The following HIVEP1 variants were observed in gnomAD, a reference collection of about 807,000 sequenced individuals.
HIVEP1 encodes the protein HIVEP zinc finger 1.
In HIVEP1, 36 loss-of-function variants were observed where a neutral mutation model predicts 180.0. That is an observed-to-expected ratio of 0.20 (90% confidence interval 0.15 to 0.26). The LOEUF is 0.26. HIVEP1 is among the 10% of genes least tolerant of loss of function. HIVEP1 has a pLI of 1.00. For synonymous variants in HIVEP1, 1,239 were observed against 1,239.0 expected (o/e 1.00, Z 0.00); for missense variants, 3,143 against 3,268.7 (o/e 0.96, Z 0.94).
At position 12,020,790 on chromosome 6, in the gene HIVEP1, C is replaced by T. The variant is rs577001468; in HGVS notation, c.40+5122C>T. Among the ~76,000 whole-genome samples the T allele has an allele frequency of 7.0e-4, 107 of 151,980 alleles. 1 individual carries two copies. In the South Asian group the frequency reaches 0.021, roughly 30 times the overall value. ...AACATGTTTTGAAAATTTGGTGTAG[C>T]TGTTTTTCATTTTTATTGGTTGAGT... On this transcript the variant is annotated intron_variant, in intron 2 of 8. Transcript: ENST00000379388.
intron 2 of HIVEP1, among the ~76,000 whole-genome samples, chr6:12,065,244 C>T (rs964882017): frequency 3.9e-5 from 6 of 152,060 alleles, no homozygotes; most frequent in Non-Finnish European, 5.9e-5. Context: ...AATGTTGGGA[C>T]CTGGGATAGG....
intron 2 of HIVEP1, among the ~76,000 whole-genome samples, chr6:12,044,612 C>T (rs997873673): frequency 4.0e-5 from 6 of 150,044 alleles, no homozygotes; most frequent in Non-Finnish European, 7.4e-5. Context: ...GCTCACTGTG[C>T]CCCCCTCAAA....
At position 12,124,844 on chromosome 6, in the gene HIVEP1, A is replaced by G. The variant is rs746537330; in HGVS notation, c.5049A>G (p.Gln1683=). The change falls in exon 4 of 9, where the codon CAA becomes CAG. Residue 1683 remains glutamine, a synonymous_variant. Coordinates refer to ENST00000379388, the MANE Select transcript of HIVEP1 (RefSeq NM_002114.4). ...GTGTAGTGCCAATCAGTGAAGAACA[A>G]AATTCTGTGCCAACATTACAAAAAG... ...NHSVVPISEE[Q]NSVPTLQKGH... is the part of the protein sequence containing the mutation. The G allele has an allele frequency of 6.8e-6, 11 of 1,614,224 alleles. No individual in the cohort carries two copies. The highest frequency in any genetic ancestry group is 9.3e-6 in the Non-Finnish European group (11 of 1,180,034).
the HIVEP1 span, among the ~76,000 whole-genome samples, chr6:12,199,264 A>C: frequency 2.0e-5 from 3 of 152,162 alleles, no homozygotes; most frequent in Non-Finnish European, 4.4e-5. Flanking sequence ...CAGTCACTAC[A>C]CAGGACTGAT....
chr6:12,211,189 G>T, the HIVEP1 span, among the ~76,000 whole-genome samples: 1 of 139,568 alleles, frequency 7.2e-6, no homozygotes, highest in African/African-American at 2.8e-5. Flanking sequence ...CACGAGGTCA[G>T]GAGATTGAGA....
intron 2 of HIVEP1, among the ~76,000 whole-genome samples, chr6:12,085,210 G>C (rs1268586966): frequency 2.6e-5 from 4 of 152,120 alleles, no homozygotes; most frequent in Non-Finnish European, 5.9e-5. Flanking sequence ...ACGTTTACTG[G>C]TGGTACAGAG....
the HIVEP1 span, among the ~76,000 whole-genome samples, chr6:12,208,937 A>G: frequency 1.3e-5 from 2 of 152,200 alleles, no homozygotes; most frequent in African/African-American, 4.8e-5. Flanking sequence ...TCCTTCATAG[A>G]ATGCAGAGGG....
At position 12,120,928 on chromosome 6, in the gene HIVEP1, A is replaced by C. The variant is rs185829506; in HGVS notation, c.1133A>C (p.His378Pro). The change falls in exon 4 of 9, where the codon CAT becomes CCT. Residue 378 changes from histidine (H) to proline (P), a missense_variant. Physicochemically the swap from His to Pro is moderately conservative, Grantham distance 77 (BLOSUM62 -2). Transcript: ENST00000379388. ...SPPMPIYNST[H>P]VASVVNQSVE... Reference sequence around the variant, plus strand: ...CCCATGCCAATCTATAATTCAACTCATGTTGCCTCTGTTGTTAATCAAAGC... The same window carrying C: ...CCCATGCCAATCTATAATTCAACTCCTGTTGCCTCTGTTGTTAATCAAAGC... 6 of 1,614,024 alleles carry C rather than the reference A, an allele frequency of 3.7e-6. No homozygotes were observed. The highest frequency in any genetic ancestry group is 1.7e-5 in the Admixed American group (1 of 59,998).
the HIVEP1 span, among the ~76,000 whole-genome samples, chr6:12,191,600 T>A: frequency 2.0e-5 from 3 of 151,566 alleles, no homozygotes; most frequent in South Asian, 2.1e-4. Flanking sequence ...CTAAAAAAAA[T>A]AAAAATAAAA....
intron 2 of HIVEP1, among the ~76,000 whole-genome samples, chr6:12,029,570 T>C (rs1468000304): frequency 6.6e-6 from 1 of 152,186 alleles, no homozygotes; most frequent in Non-Finnish European, 1.5e-5. Context: ...CTCTTTCTTT[T>C]TTGTTTTTAC....
At chr6:12,119,425 A>C (rs1775424740) in intron 3 of HIVEP1, among the ~76,000 whole-genome samples, 2 of 152,234 alleles carry the variant, frequency 1.3e-5, no homozygotes, top group Admixed American at 1.3e-4. Flanking sequence ...CAGCCATACC[A>C]GTTCCAACCA....
At chr6:12,204,506 GA>G in the HIVEP1 span, among the ~76,000 whole-genome samples, 28 of 151,672 alleles carry the variant, frequency 1.8e-4, 1 homozygote, top group East Asian at 4.1e-3. Context: ...TAAATATTAA[GA>G]AAAAAAATCC....
intron 6 of HIVEP1, among the ~76,000 whole-genome samples, chr6:12,134,999 G>GA (rs1014857161): frequency 6.6e-5 from 10 of 152,102 alleles, no homozygotes; most frequent in African/African-American, 9.7e-5. Context: ...CAAGGTACCA[G>GA]AAAAAAGAAG....
chr6:12,173,967 G>A, the HIVEP1 span, among the ~76,000 whole-genome samples: 1 of 152,162 alleles, frequency 6.6e-6, no homozygotes, highest in Non-Finnish European at 1.5e-5. Flanking sequence ...CAAATGTTAA[G>A]AACAGTTTTG....
chr6:12,108,889 C>T (rs1156308508), intron 3 of HIVEP1, among the ~76,000 whole-genome samples: 2 of 152,254 alleles, frequency 1.3e-5, no homozygotes, highest in Non-Finnish European at 1.5e-5. Context: ...AGTGGGAGCC[C>T]AGGCAGAGGA....
chr6:12,027,833 A>G (rs545740560), intron 2 of HIVEP1, among the ~76,000 whole-genome samples: 1 of 152,304 alleles, frequency 6.6e-6, no homozygotes, highest in South Asian at 2.1e-4. Context: ...AACATCCAAT[A>G]TGTTTGAATT....
chr6:12,141,790 C>T (rs1759053627), intron 7 of HIVEP1, among the ~76,000 whole-genome samples: 2 of 148,476 alleles, frequency 1.3e-5, no homozygotes, highest in South Asian at 4.3e-4. Context: ...ACAAAGAAGG[C>T]CATTACATAA....
intron 3 of HIVEP1, among the ~76,000 whole-genome samples, chr6:12,099,275 C>T (rs1389595692): frequency 1.3e-5 from 2 of 150,202 alleles, no homozygotes; most frequent in South Asian, 2.1e-4. Flanking sequence ...TCACGCCATT[C>T]TCCTGCCTCA....
At chr6:12,107,497 A>G (rs1774508542) in intron 3 of HIVEP1, among the ~76,000 whole-genome samples, 1 of 152,142 alleles carries the variant, frequency 6.6e-6, no homozygotes, top group South Asian at 2.1e-4. Flanking sequence ...TCTTGGTCTC[A>G]CTGACTTCAA....
Sources: gnomAD v4.1 joint callset for allele counts (sites outside exome capture counted in the v4.1 genomes callset) on GRCh38, gnomAD v4.1.1 for gene constraint, MANE v1.5 for transcripts, NCBI Gene and HGNC (gene_info 2026-07-23, HGNC 2026-07-21) for gene names.